CFAP20DC: variants seen among roughly 807,000 people sequenced by gnomAD.
CFAP20DC encodes the protein protein CFAP20DC.
A neutral mutation model predicts 101.7 loss-of-function variants in CFAP20DC; 84 were observed. The ratio of observed to expected loss-of-function variants is 0.83; its 90% CI spans 0.69 to 0.99. The LOEUF is 0.99. CFAP20DC is among the 50% of genes least tolerant of loss of function. CFAP20DC has a pLI of 0.00. For synonymous variants in CFAP20DC, 359 were observed against 351.2 expected (o/e 1.02, Z -0.25); for missense variants, 1,007 against 970.3 (o/e 1.04, Z -0.50).
At chr3:58,987,758 A>G (rs978300828) in intron 4 of CFAP20DC, among the ~76,000 whole-genome samples, 1 of 151,958 alleles carries the variant, frequency 6.6e-6, no homozygotes, top group Non-Finnish European at 1.5e-5. Flanking sequence ...GAATATTATA[A>G]TTATTAGAAT....
At chr3:58,989,052 T>G (rs1035288775) in intron 4 of CFAP20DC, among the ~76,000 whole-genome samples, 2 of 152,152 alleles carry the variant, frequency 1.3e-5, no homozygotes, top group East Asian at 1.9e-4. Context: ...AAATTAATGA[T>G]AAACTGGCAG....
chr3:58,924,538 T>C (rs1559831363), intron 5 of CFAP20DC, among the ~76,000 whole-genome samples: 1 of 152,274 alleles, frequency 6.6e-6, no homozygotes, highest in East Asian at 1.9e-4. Context: ...AATAAACATA[T>C]TAGGGCAGAT....
intron 5 of CFAP20DC, among the ~76,000 whole-genome samples, chr3:58,918,666 A>G (rs564063461): frequency 6.6e-6 from 1 of 152,072 alleles, no homozygotes; most frequent in African/African-American, 2.4e-5. Flanking sequence ...AACTGCCTCT[A>G]GTTAAACCAT....
intron 16 of CFAP20DC, among the ~76,000 whole-genome samples, chr3:58,746,925 A>G (rs1383259173): frequency 6.6e-6 from 1 of 152,168 alleles, no homozygotes; most frequent in Non-Finnish European, 1.5e-5. Context: ...TCATTACGCA[A>G]TTACCACTAT....
downstream of CFAP20DC, among the ~76,000 whole-genome samples, chr3:58,716,454 C>T (rs145164942): frequency 5.7e-4 from 87 of 152,114 alleles, no homozygotes; most frequent in East Asian, 0.013. Flanking sequence ...TGAGCCACCG[C>T]GCCCGGCCTG....
At chr3:59,043,888 T>C (rs1354718697) in intron 3 of CFAP20DC, among the ~76,000 whole-genome samples, 23 of 152,174 alleles carry the variant, frequency 1.5e-4, no homozygotes, top group Admixed American at 1.4e-3. Context: ...AGTTTCATAG[T>C]ATGGCAAATT....
At chr3:58,752,126 C>T (rs1022853474) in intron 16 of CFAP20DC, among the ~76,000 whole-genome samples, 7 of 152,150 alleles carry the variant, frequency 4.6e-5, no homozygotes, top group Admixed American at 2.6e-4. Context: ...CTGCCTAAAA[C>T]TATGCAATTA....
intron 13 of CFAP20DC, among the ~76,000 whole-genome samples, chr3:58,841,390 T>C (rs930705023): frequency 6.6e-6 from 1 of 152,240 alleles, no homozygotes; most frequent in African/African-American, 2.4e-5. Context: ...CAGAATTTTA[T>C]ATAATGAAGC....
chr3:58,969,378 C>G (rs1174434167), intron 4 of CFAP20DC, among the ~76,000 whole-genome samples: 1 of 152,168 alleles, frequency 6.6e-6, no homozygotes, highest in Admixed American at 6.6e-5. Context: ...GAATCCTCAT[C>G]ATTGCTGATG....
At chr3:58,952,287 A>C (rs933846370) in intron 4 of CFAP20DC, among the ~76,000 whole-genome samples, 1 of 152,190 alleles carries the variant, frequency 6.6e-6, no homozygotes, top group East Asian at 1.9e-4. Context: ...TAAATAATTC[A>C]TAAGTTTTAA....
chr3:58,831,237 C>A (rs2076372205), intron 14 of CFAP20DC, among the ~76,000 whole-genome samples: 1 of 152,238 alleles, frequency 6.6e-6, no homozygotes, highest in African/African-American at 2.4e-5. Flanking sequence ...AATCAGTGAA[C>A]ATCTGGTGAC....
intron 14 of CFAP20DC, among the ~76,000 whole-genome samples, chr3:58,817,068 C>T (rs1429540345): frequency 6.6e-6 from 1 of 152,008 alleles, no homozygotes; most frequent in Non-Finnish European, 1.5e-5. Flanking sequence ...AACAGACCTG[C>T]AGCTGAGGGT....
intron 15 of CFAP20DC, among the ~76,000 whole-genome samples, chr3:58,763,924 C>T (rs893443570): frequency 2.6e-5 from 4 of 152,174 alleles, no homozygotes; most frequent in Admixed American, 1.3e-4. Flanking sequence ...CATACCTGGC[C>T]ATGTGAGGTG....
At chr3:58,818,905 A>T (rs1269766905) in intron 14 of CFAP20DC, among the ~76,000 whole-genome samples, 1 of 144,590 alleles carries the variant, frequency 6.9e-6, no homozygotes, top group Non-Finnish European at 1.5e-5. Context: ...AGCTCTCCTC[A>T]GCAAATGTAA....
At chr3:58,758,561 A>C (rs2069184171) in intron 15 of CFAP20DC, among the ~76,000 whole-genome samples, 1 of 151,884 alleles carries the variant, frequency 6.6e-6, no homozygotes, top group Non-Finnish European at 1.5e-5. Flanking sequence ...ATTATACTTT[A>C]AGTTTTAGGG....
rs1294117522 is a variant in CFAP20DC at position 58,717,602 on chromosome 3, T to C, written c.226A>G (p.Ile76Val). The change falls in exon 4 of 4, where the codon ATT becomes GTT. Residue 76 changes from isoleucine to valine, a missense_variant. By Grantham distance (29) the Ile-to-Val change is conservative. Coordinates refer to the CFAP20DC transcript ENST00000486145. The surrounding 1 kb of genome is among the most constrained non-coding windows in gnomAD (Gnocchi z 4.1). ...GAGTTTTGCCTTCACAGTTGCAAAATGGCTGTAGCACTTCCAGACATTTCT... is the reference window on the plus strand; with the variant it reads ...GAGTTTTGCCTTCACAGTTGCAAAACGGCTGTAGCACTTCCAGACATTTCT... The C allele has an allele frequency of 2.2e-6, 1 of 452,878 alleles. No homozygotes were observed. Among genetic ancestry groups the C allele is most frequent in the African/African-American group, 2.0e-5 (1 of 49,554 alleles). The allele number at this position is 452,878 out of a possible 1,614,324, so 28.1% of individuals were successfully genotyped here.
rs770068633 is a variant in CFAP20DC, at chr3:58,717,653, G to GA, written c.198-26dup. The GA allele has an allele frequency of 2.7e-5, 11 of 406,528 alleles. No individual in the cohort carries two copies. Among genetic ancestry groups the GA allele is most frequent in the Admixed American group, 1.3e-4 (4 of 31,734 alleles). 25.2% of individuals were successfully genotyped at this position (406,528 alleles called of 1,614,324 possible). A position where few individuals can be genotyped will look rare whatever the true frequency, so the allele number is the denominator to read the frequency against. ...TCTGCATTTCAGGTAGGAGAAGAGAGAAGAAAAAAAAAAAAGAAAAAAGGT... is the reference window on the plus strand; with the variant it reads ...TCTGCATTTCAGGTAGGAGAAGAGAGAAAGAAAAAAAAAAAAGAAAAAAGGT... On this transcript the variant is annotated intron_variant, in intron 3 of 3. Transcript: ENST00000486145. This position sits in a 1 kb window ranked among gnomAD's most constrained non-coding sequence, Gnocchi z 4.1.
rs769778992 is a variant in CFAP20DC, at chr3:58,870,234, G to C, written c.791C>G (p.Ser264Cys). ...NQDVCHIAFG[S>C]KVLGPPPLSG... ...GAGTGGAGGTGGCCCAAGAACTTTG[G>C]ATCCAAATGCGATATGACAAACATC... The change falls in exon 8 of 17, where the codon TCC becomes TGC. Residue 264 changes from serine (S) to cysteine (C), a missense_variant. Ser to Cys is a moderately radical substitution (Grantham distance 112, BLOSUM62 -1). Coordinates refer to ENST00000482387, the MANE Select transcript of CFAP20DC (RefSeq NM_001394063.1). The C allele has an allele frequency of 6.2e-7, 1 of 1,614,070 alleles. No homozygotes were observed. The highest frequency in any genetic ancestry group is 8.5e-7 in the Non-Finnish European group (1 of 1,179,970).
chr3:59,008,132 A>C (rs1056759684), intron 4 of CFAP20DC, among the ~76,000 whole-genome samples: 13 of 152,272 alleles, frequency 8.5e-5, no homozygotes, highest in African/African-American at 2.9e-4. Flanking sequence ...CCCACAGAAG[A>C]AGCACACCCC....
Sources: allele counts gnomAD v4.1 joint callset (sites outside exome capture counted in the v4.1 genomes callset), GRCh38; gene constraint gnomAD v4.1.1; non-coding constraint Gnocchi (gnomAD v3.1); transcripts MANE v1.5; gene names NCBI Gene and HGNC (gene_info 2026-07-23, HGNC 2026-07-21).